Variants in GMPPA observed in about 807,000 individuals in gnomAD.
GMPPA encodes the protein mannose-1-phosphate guanylyltransferase regulatory subunit alpha.
A neutral mutation model predicts 58.6 loss-of-function variants in GMPPA; 46 were observed. The observed-to-expected ratio is 0.78, with a 90% CI of 0.62 to 1.00. The LOEUF (loss-of-function observed/expected upper bound fraction) is 1.00. GMPPA is among the 50% of genes least tolerant of loss of function. The pLI, the probability that GMPPA is intolerant of heterozygous loss-of-function variation, is 0.00. For synonymous variants in GMPPA, 211 were observed against 214.9 expected (o/e 0.98, Z 0.16); for missense variants, 468 against 556.4 (o/e 0.84, Z 1.60).
intron 3 of GMPPA, 92 bp downstream of exon 3, chr2:219,500,310 A>G (rs1202265696): frequency 3.9e-6 from 3 of 759,606 alleles, no homozygotes; most frequent in Non-Finnish European, 7.0e-6. Context: ...CCCACCAGGC[A>G]TAACTCCAAG....
In GMPPA at chr2:219,504,535, G is replaced by A. The variant is rs372888468; in HGVS notation, c.620+322G>A. ...TTGGGCGCACACATGCTCGGGTGCA[G>A]ACGTGTGCACGTGCACACACAGACA... On this transcript the variant is annotated intron_variant, in intron 7 of 12. Coordinates refer to ENST00000313597, the MANE Select transcript of GMPPA (RefSeq NM_013335.4). 2.2e-4 allele frequency: 88 copies of A among 406,684 alleles called. 1 individual carries two copies. In the East Asian group the frequency reaches 3.4e-3, roughly 16 times the overall value. The allele number at this position is 406,684 out of a possible 1,614,324, so 25.2% of individuals were successfully genotyped here.
intron 1 of GMPPA, 50 bp downstream of exon 1, chr2:219,498,988 A>G (rs1429729485): frequency 6.6e-6 from 1 of 151,948 alleles, no homozygotes; most frequent in Non-Finnish European, 1.5e-5. Flanking sequence ...GGCAGGGGAC[A>G]CCCTCTAGAC....
Position 219,506,900 on chromosome 2 carries a change from A to AGC in GMPPA, c.*102_*103insGC. The AGC allele has an allele frequency of 1.5e-6, 1 of 687,386 alleles. No individual in the cohort carries two copies. Among genetic ancestry groups the AGC allele is most frequent in the Non-Finnish European group, 2.7e-6 (1 of 374,510 alleles). 42.6% of individuals were successfully genotyped at this position (687,386 alleles called of 1,614,324 possible). ...AAAGGACCAGAGAAAGCCAGGCTGG[A>AGC]TCGTCACATGCCGGGGAGCAATGTG... On this transcript the variant is annotated 3_prime_UTR_variant, in exon 13 of 13. Coordinates refer to ENST00000313597, the MANE Select transcript of GMPPA (RefSeq NM_013335.4).
chr2:219,506,462 G>C (rs1394230159), intron 12 of GMPPA, 40 bp downstream of exon 12: 1 of 1,573,108 alleles, frequency 6.4e-7, no homozygotes, highest in East Asian at 2.2e-5. Context: ...GAACCCCTCA[G>C]CTGATGGCCA....
At position 219,504,260 on chromosome 2, in the gene GMPPA, G is replaced by A. The variant is rs375025833; in HGVS notation, c.620+47G>A. On this transcript the variant is annotated intron_variant, in intron 7 of 12. Coordinates refer to ENST00000313597, the MANE Select transcript of GMPPA (RefSeq NM_013335.4). ...TGTGACCCCAAGTACCCCCAGTCACGGACCCCAACACATACCAGTCTCTGC... is the reference window on the plus strand; with the variant it reads ...TGTGACCCCAAGTACCCCCAGTCACAGACCCCAACACATACCAGTCTCTGC... 62 of 1,586,132 alleles carry A rather than the reference G, an allele frequency of 3.9e-5. 1 individual carries two copies. The African/African-American group carries it at 6.5e-4, about 17-fold the overall frequency.
chr2:219,505,921 T>C, intron 10 of GMPPA, 59 bp from the exon 11 acceptor site: 1 of 1,255,762 alleles, frequency 8.0e-7, no homozygotes, highest in East Asian at 2.5e-5. Flanking sequence ...TAGAAGGGAG[T>C]TGGGTTTGGG....
chr2:219,506,133 C>T lies in GMPPA; in HGVS notation c.993+61C>T, dbSNP rs552239387. The stretch of plus-strand genomic sequence containing the variant: ...CAAGAGGCTGCGGGGAGGGCCCAGG[C>T]ATCCCCCCAAGAACAGAGAAGGGTG... On this transcript the variant is annotated intron_variant, in intron 11 of 12. Transcript: ENST00000313597. 6 of 1,455,990 alleles carry T rather than the reference C, an allele frequency of 4.1e-6. No homozygotes were observed. In the African/African-American group the frequency reaches 7.0e-5, roughly 17 times the overall value. The allele number at this position is 1,455,990 out of a possible 1,614,324, so 90.2% of individuals were successfully genotyped here.
chr2:219,502,018 T>G lies in GMPPA; in HGVS notation c.410T>G (p.Phe137Cys). 6.2e-7 allele frequency: 1 copy of G among 1,614,188 alleles called. No individual in the cohort carries two copies. The highest frequency in any genetic ancestry group is 8.5e-7 in the Non-Finnish European group (1 of 1,180,028). ...LEAHRRQRHP[F>C]LLLGTTANRT... is the part of the protein sequence containing the mutation. ...GCCCACCGACGCCAGCGTCACCCTT[T>G]CTTACTCCTTGGCACTACGGTGAGG... The change falls in exon 5 of 13, where the codon TTC (phenylalanine) becomes TGC (cysteine). Residue 137 changes from phenylalanine to cysteine, a missense_variant. Coordinates refer to ENST00000313597, the MANE Select transcript of GMPPA (RefSeq NM_013335.4). The surrounding 1 kb of genome is among the most constrained non-coding windows in gnomAD (Gnocchi z 4.0).
chr2:219,503,365 T>G (rs1694465748), intron 6 of GMPPA, among the ~76,000 whole-genome samples: 1 of 152,126 alleles, frequency 6.6e-6, no homozygotes, highest in Non-Finnish European at 1.5e-5. Flanking sequence ...GCTCAAGTGA[T>G]CCACCTACTT....
chr2:219,503,877 G>A (rs1694483288), intron 6 of GMPPA, among the ~76,000 whole-genome samples: 1 of 152,208 alleles, frequency 6.6e-6, no homozygotes, highest in Admixed American at 6.5e-5. Context: ...CATGGACTTT[G>A]GATTTATCTG....
chr2:219,503,416 C>T (rs1694467584), intron 6 of GMPPA, among the ~76,000 whole-genome samples: 2 of 152,174 alleles, frequency 1.3e-5, no homozygotes, highest in Admixed American at 1.3e-4. Context: ...TGAGCCACCA[C>T]CATACCTGGC....
At chr2:219,503,980 GGCA>G in intron 6 of GMPPA, 100 bp from the exon 7 acceptor site, 2 of 1,343,460 alleles carry the variant, frequency 1.5e-6, no homozygotes, top group Non-Finnish European at 2.1e-6. Context: ...AGGCCACCCT[GGCA>G]GCAGGGAGGA....
chr2:219,502,520 G>A lies in GMPPA; in HGVS notation c.489+79G>A, dbSNP rs1694437868. The A allele has an allele frequency of 1.2e-5, 13 of 1,095,668 alleles. No individual in the cohort carries two copies. In the South Asian group the frequency reaches 1.7e-4, roughly 14 times the overall value. The allele number at this position is 1,095,668 out of a possible 1,614,324, so 67.9% of individuals were successfully genotyped here. A position where few individuals can be genotyped will look rare whatever the true frequency, so the allele number is the denominator to read the frequency against. On this transcript the variant is annotated intron_variant, in intron 6 of 12. Coordinates refer to ENST00000313597, the MANE Select transcript of GMPPA (RefSeq NM_013335.4). This position sits in a 1 kb window ranked among gnomAD's most constrained non-coding sequence, Gnocchi z 4.0. ...TACCTCAGGCCTCTAGAGAATGCTG[G>A]CACAGTATGGGGTGGGCTCTAGTCT... is the stretch of plus-strand genomic sequence containing the variant.
rs1488165092 is a variant in GMPPA at position 219,505,323 on chromosome 2, A to G, written c.716A>G (p.His239Arg). ...GCAGGGCAGGGCCAGATATACGTGC[A>G]TCTCACTGATGGTATCTGGAGTCAG... ...ALAGQGQIYVHLTDGIWSQIK... is the reference protein window; with the variant it reads ...ALAGQGQIYVRLTDGIWSQIK... Residue 239 changes from histidine (H) to arginine (R), a missense_variant, in exon 8 of 13, where the codon CAT becomes CGT. Physicochemically the swap from His to Arg is conservative, Grantham distance 29. Transcript: ENST00000313597. 1.9e-6 allele frequency: 3 copies of G among 1,613,884 alleles called. No homozygotes were observed. Among genetic ancestry groups the G allele is most frequent in the East Asian group, 4.5e-5 (2 of 44,886 alleles).
At chr2:219,506,638 A>G in intron 12 of GMPPA, 60 bp from the exon 13 acceptor site, 2 of 1,076,258 alleles carry the variant, frequency 1.9e-6, no homozygotes, top group South Asian at 1.3e-5. Flanking sequence ...AGTGGCCCCC[A>G]GCTCCCTGCC....
chr2:219,502,100 A>AGGGTGTTGGGGAGGCAGGGGCGCCCC lies in GMPPA; in HGVS notation c.429+67_429+92dup. The AGGGTGTTGGGGAGGCAGGGGCGCCCC allele has an allele frequency of 6.4e-7, 1 of 1,564,362 alleles. No individual in the cohort carries two copies. The highest frequency in any genetic ancestry group is 8.8e-7 in the Non-Finnish European group (1 of 1,142,272). On this transcript the variant is annotated intron_variant, in intron 5 of 12. Transcript: ENST00000313597. The surrounding 1 kb of genome is among the most constrained non-coding windows in gnomAD (Gnocchi z 4.0). ...TGATCCCAAGAGCTTCCCGGAATTC[A>AGGGTGTTGGGGAGGCAGGGGCGCCCC]GGGTGTTGGGGAGGCAGGGGCGCCC...
Position 219,502,040 on chromosome 2 carries a change from G to C in GMPPA, c.429+3G>C. ...CTTTCTTACTCCTTGGCACTACGGT[G>C]AGGGGGTCAGGAGGGCTGGAGGGTG... On this transcript the variant is annotated splice_donor_region_variant and intron_variant, in intron 5 of 12. Transcript: ENST00000313597. The surrounding 1 kb of genome is among the most constrained non-coding windows in gnomAD (Gnocchi z 4.0). The C allele has an allele frequency of 6.2e-7, 1 of 1,614,042 alleles. No individual in the cohort carries two copies.
chr2:219,504,717 T>G, intron 7 of GMPPA: 1 of 263,988 alleles, frequency 3.8e-6, no homozygotes. Context: ...CCTCTGCTCA[T>G]AGCCATTTCT....
chr2:219,501,619 C>G (rs1448421333), intron 4 of GMPPA, 40 bp downstream of exon 4: 1 of 1,262,762 alleles, frequency 7.9e-7, no homozygotes, highest in Admixed American at 1.7e-5. Flanking sequence ...GGTGGGGATG[C>G]CCTAGGCCTC....
Sources: gnomAD v4.1 joint callset for allele counts (sites outside exome capture counted in the v4.1 genomes callset) on GRCh38, gnomAD v4.1.1 for gene constraint, Gnocchi (gnomAD v3.1) non-coding constraint, MANE v1.5 for transcripts, NCBI Gene and HGNC (gene_info 2026-07-23, HGNC 2026-07-21) for gene names.